Variants in KCNJ3 observed in about 807,000 individuals in gnomAD.
KCNJ3 encodes the protein potassium inwardly rectifying channel subfamily J member 3.
A neutral mutation model predicts 39.2 loss-of-function variants in KCNJ3; 4 were observed. That is an observed-to-expected ratio of 0.10 (90% CI 0.05 to 0.23). KCNJ3 has a LOEUF of 0.23. Ranked by LOEUF, KCNJ3 falls within the 10% of genes least tolerant of loss-of-function variation. KCNJ3 has a pLI of 1.00. For synonymous variants in KCNJ3, 230 were observed against 237.4 expected (o/e 0.97, Z 0.29); for missense variants, 276 against 634.9 (o/e 0.43, Z 6.08).
At chr2:154,805,123 A>C (rs1686887297) in intron 2 of KCNJ3, among the ~76,000 whole-genome samples, 2 of 152,184 alleles carry the variant, frequency 1.3e-5, no homozygotes, top group Admixed American at 1.3e-4. Flanking sequence ...GAAAAGTTGC[A>C]ATCTATAAGT....
At chr2:154,723,901 A>G (rs1416817061) in intron 2 of KCNJ3, among the ~76,000 whole-genome samples, 12 of 152,188 alleles carry the variant, frequency 7.9e-5, no homozygotes, top group Admixed American at 7.9e-4. Flanking sequence ...TACAATTTAT[A>G]GCTTAAATTA....
intron 2 of KCNJ3, among the ~76,000 whole-genome samples, chr2:154,779,805 A>AC: frequency 6.6e-6 from 1 of 152,150 alleles, no homozygotes; most frequent in Admixed American, 6.5e-5. Context: ...GCCTCAAAGC[A>AC]CTGGGATTGC....
chr2:154,705,948 C>T (rs1029041256), intron 1 of KCNJ3, among the ~76,000 whole-genome samples: 2 of 152,030 alleles, frequency 1.3e-5, no homozygotes, highest in Non-Finnish European at 2.9e-5. Flanking sequence ...TCATTCTCAA[C>T]CCAAGGATTT....
chr2:154,773,360 C>T (rs1686275612), intron 2 of KCNJ3, among the ~76,000 whole-genome samples: 1 of 152,034 alleles, frequency 6.6e-6, no homozygotes, highest in South Asian at 2.1e-4. Context: ...GATATATATT[C>T]TTGGAGCATG....
chr2:154,745,236 T>C (rs143900564), intron 2 of KCNJ3, among the ~76,000 whole-genome samples: 4 of 152,170 alleles, frequency 2.6e-5, no homozygotes, highest in African/African-American at 4.8e-5. Flanking sequence ...TTAGATCCTA[T>C]TGGTTTATGG....
At chr2:154,761,542 A>G (rs1163304587) in intron 2 of KCNJ3, among the ~76,000 whole-genome samples, 1 of 152,196 alleles carries the variant, frequency 6.6e-6, no homozygotes, top group Non-Finnish European at 1.5e-5. Flanking sequence ...TAGGAGAACT[A>G]TCAACTTCAT....
intron 2 of KCNJ3, among the ~76,000 whole-genome samples, chr2:154,715,749 C>T (rs886083611): frequency 2.2e-5 from 3 of 134,296 alleles, no homozygotes; most frequent in East Asian, 2.2e-4. Context: ...TAATCCCTTT[C>T]GTGTCAAGTT....
intron 2 of KCNJ3, among the ~76,000 whole-genome samples, chr2:154,817,267 T>TAA (rs1687099782): frequency 6.6e-6 from 1 of 152,184 alleles, no homozygotes; most frequent in African/African-American, 2.4e-5. Context: ...CAGTGTTGGA[T>TAA]AAACACTTCT....
intron 2 of KCNJ3, among the ~76,000 whole-genome samples, chr2:154,770,892 C>CTTTTTTTT (rs35293315): frequency 4.7e-5 from 6 of 127,678 alleles, no homozygotes; most frequent in Non-Finnish European, 6.5e-5. Context: ...TTTTCTTTTT[C>CTTTTTTTT]TTTTTTTTTT....
intron 2 of KCNJ3, among the ~76,000 whole-genome samples, chr2:154,794,928 T>A (rs1024510801): frequency 2.6e-5 from 4 of 151,984 alleles, no homozygotes; most frequent in Admixed American, 6.6e-5. Flanking sequence ...TTTTCTTTTC[T>A]AATACTCAAC....
intron 2 of KCNJ3, among the ~76,000 whole-genome samples, chr2:154,832,235 A>G (rs1687377381): frequency 6.6e-6 from 1 of 152,096 alleles, no homozygotes; most frequent in Admixed American, 6.6e-5. Flanking sequence ...TGTCCAAACC[A>G]TAGGAATGGG....
Position 154,796,380 on chromosome 2 carries a change from A to G in KCNJ3, c.920-58347A>G, listed in dbSNP as rs559144136. Among the ~76,000 whole-genome samples the G allele has an allele frequency of 2.0e-5, 3 of 152,286 alleles. No homozygotes were observed. In the East Asian group the frequency reaches 5.8e-4, roughly 29 times the overall value. On this transcript the variant is annotated intron_variant, in intron 2 of 2. Transcript: ENST00000295101. ...TTTCTAATTATGTTGTCTAGACACT[A>G]TTGAAGTATTCCAATTTCCTTTATT...
At chr2:154,710,879 G>A (rs1379374513) in intron 2 of KCNJ3, among the ~76,000 whole-genome samples, 1 of 152,106 alleles carries the variant, frequency 6.6e-6, no homozygotes, top group East Asian at 1.9e-4. Flanking sequence ...AGGGAGGCTA[G>A]TCATTGTAAT....
intron 1 of KCNJ3, among the ~76,000 whole-genome samples, chr2:154,701,200 C>A (rs1165402139): frequency 6.6e-6 from 1 of 152,018 alleles, no homozygotes; most frequent in African/African-American, 2.4e-5. Flanking sequence ...GATAGAAATA[C>A]TTTGTTAGTA....
intron 2 of KCNJ3, among the ~76,000 whole-genome samples, chr2:154,777,245 A>G (rs1052489564): frequency 1.3e-5 from 2 of 152,076 alleles, no homozygotes; most frequent in Non-Finnish European, 2.9e-5. Flanking sequence ...AGGCCTCATT[A>G]TTTTCCTGTG....
At chr2:154,767,790 T>TAC (rs2105193658) in intron 2 of KCNJ3, among the ~76,000 whole-genome samples, 1 of 152,342 alleles carries the variant, frequency 6.6e-6, no homozygotes, top group South Asian at 2.1e-4. Flanking sequence ...TGAACTAGTT[T>TAC]ACAGTCCCAC....
chr2:154,712,184 A>G (rs1366379870), intron 2 of KCNJ3, among the ~76,000 whole-genome samples: 1 of 152,188 alleles, frequency 6.6e-6, no homozygotes, highest in Admixed American at 6.5e-5. Context: ...ATCTCTGTAT[A>G]TTTCCAGACC....
chr2:154,724,209 T>C (rs1574435603), intron 2 of KCNJ3, among the ~76,000 whole-genome samples: 1 of 152,274 alleles, frequency 6.6e-6, no homozygotes, highest in South Asian at 2.1e-4. Flanking sequence ...CAATTTCCCA[T>C]TAATAAAATA....
intron 2 of KCNJ3, among the ~76,000 whole-genome samples, chr2:154,758,950 A>G (rs1685988327): frequency 6.6e-6 from 1 of 152,144 alleles, no homozygotes; most frequent in Non-Finnish European, 1.5e-5. Flanking sequence ...AGTTATTTCA[A>G]GTTTGCTTCT....
Sources: gnomAD v4.1 joint callset for allele counts (sites outside exome capture counted in the v4.1 genomes callset) on GRCh38, gnomAD v4.1.1 for gene constraint, MANE v1.5 for transcripts, NCBI Gene and HGNC (gene_info 2026-07-23, HGNC 2026-07-21) for gene names.